The following SYT14 variants were observed in gnomAD, a reference collection of about 807,000 sequenced individuals.
The protein encoded by SYT14 is synaptotagmin-14.
Under a neutral mutation model 74.2 loss-of-function variants are expected in SYT14, and 32 were observed. That is an observed-to-expected ratio of 0.43 (90% confidence interval 0.33 to 0.58). The LOEUF is 0.58. Ranked by LOEUF, SYT14 falls within the 20% of genes least tolerant of loss-of-function variation. The pLI is 0.05. For missense variants in SYT14, 791 were observed against 981.8 expected (o/e 0.81, Z 2.60); for synonymous variants, 298 against 337.7 (o/e 0.88, Z 1.29).
intron 7 of SYT14, among the ~76,000 whole-genome samples, chr1:210,154,395 T>C (rs1011203822): frequency 1.3e-5 from 2 of 152,148 alleles, no homozygotes; most frequent in African/African-American, 4.8e-5. Context: ...GATTACCCTC[T>C]ACATCCTGTC....
chr1:209,989,669 G>A (rs2079630635), intron 2 of SYT14, among the ~76,000 whole-genome samples: 1 of 152,128 alleles, frequency 6.6e-6, no homozygotes, highest in Admixed American at 6.6e-5. Context: ...TTATATTTAC[G>A]TAGAAGTTAA....
chr1:210,113,508 G>C (rs2082303171), intron 7 of SYT14, among the ~76,000 whole-genome samples: 1 of 151,302 alleles, frequency 6.6e-6, no homozygotes, highest in East Asian at 1.9e-4. Context: ...GCTGTAACAG[G>C]CAAGTGATAA....
intron 7 of SYT14, among the ~76,000 whole-genome samples, chr1:210,128,858 A>T (rs2082621437): frequency 1.3e-5 from 2 of 152,228 alleles, no homozygotes; most frequent in African/African-American, 4.8e-5. Flanking sequence ...TTTCCCGAAG[A>T]ACATTGTGGA....
exon 10 of SYT14, chr1:210,162,017 C>T (rs1386169509): frequency 2.2e-6 from 1 of 451,976 alleles, no homozygotes. Context: ...ACCAACACTG[C>T]GTAAAGCAGG....
chr1:210,089,872 G>A (rs1404031605), intron 5 of SYT14, among the ~76,000 whole-genome samples: 28 of 152,198 alleles, frequency 1.8e-4, no homozygotes, highest in Admixed American at 1.8e-3. Context: ...ATAGTGAAAC[G>A]AAAGTACACT....
At chr1:210,155,683 C>T in intron 7 of SYT14, 38 bp from the exon 7 acceptor site, 1 of 1,605,944 alleles carries the variant, frequency 6.2e-7, no homozygotes, top group Non-Finnish European at 8.5e-7. Context: ...ATATATCTCT[C>T]TTGCAAAATA....
intron 7 of SYT14, among the ~76,000 whole-genome samples, chr1:210,125,362 A>G (rs1035243345): frequency 6.6e-6 from 1 of 152,106 alleles, no homozygotes; most frequent in African/African-American, 2.4e-5. Flanking sequence ...CTCCAGCTGC[A>G]TTGGTGTTGC....
intron 2 of SYT14, among the ~76,000 whole-genome samples, chr1:209,972,600 T>C (rs1303307178): frequency 6.6e-6 from 1 of 152,202 alleles, no homozygotes; most frequent in Non-Finnish European, 1.5e-5. Flanking sequence ...AGTTTTATTG[T>C]TTACCCCAAA....
chr1:210,156,896 G>A (rs1399937429), intron 8 of SYT14: 2 of 397,710 alleles, frequency 5.0e-6, no homozygotes, highest in Non-Finnish European at 1.0e-5. Flanking sequence ...TTTTCACCAT[G>A]TTGATCAAGC....
intron 2 of SYT14, among the ~76,000 whole-genome samples, chr1:209,992,504 G>A (rs1448762574): frequency 2.0e-5 from 3 of 152,116 alleles, no homozygotes; most frequent in South Asian, 2.1e-4. Flanking sequence ...CATAGAAAAT[G>A]TAGTAATAGA....
chr1:210,106,593 A>G (rs9659836), intron 7 of SYT14, among the ~76,000 whole-genome samples: 37,874 of 152,070 alleles, frequency 0.25, 5,897 homozygotes, highest in South Asian at 0.37. Flanking sequence ...GAAAAGGGGG[A>G]AAAGCCCCTT....
At chr1:209,989,168 G>A (rs1033064248) in intron 2 of SYT14, among the ~76,000 whole-genome samples, 1 of 152,100 alleles carries the variant, frequency 6.6e-6, no homozygotes, top group Non-Finnish European at 1.5e-5. Context: ...TCAGGTGGTG[G>A]GAGAAATCTG....
intron 2 of SYT14, among the ~76,000 whole-genome samples, chr1:209,961,710 C>T (rs956502436): frequency 5.9e-5 from 9 of 152,062 alleles, no homozygotes; most frequent in Non-Finnish European, 1.3e-4. Flanking sequence ...TAGACTCTTA[C>T]TAGAGATGAA....
chr1:210,051,305 T>C (rs2080990699), intron 5 of SYT14, among the ~76,000 whole-genome samples: 1 of 152,230 alleles, frequency 6.6e-6, no homozygotes, highest in Non-Finnish European at 1.5e-5. Flanking sequence ...AATAAGGTTG[T>C]ACAGTATACT....
At chr1:209,984,511 A>G (rs1270433958) in intron 2 of SYT14, among the ~76,000 whole-genome samples, 1 of 152,146 alleles carries the variant, frequency 6.6e-6, no homozygotes, top group Non-Finnish European at 1.5e-5. Context: ...AAAATTTTTA[A>G]ATAATAAGAT....
At chr1:210,159,003 GAAT>G (rs1023360662) in intron 8 of SYT14, among the ~76,000 whole-genome samples, 1 of 151,834 alleles carries the variant, frequency 6.6e-6, no homozygotes, top group Non-Finnish European at 1.5e-5. Flanking sequence ...TATATATTGG[GAAT>G]AATAAAAGTA....
chr1:210,141,143 T>C (rs1474080576), intron 7 of SYT14, among the ~76,000 whole-genome samples: 2 of 152,108 alleles, frequency 1.3e-5, no homozygotes, highest in Non-Finnish European at 2.9e-5. Flanking sequence ...GTCTTAACAA[T>C]TTAAGTCTTC....
chr1:209,985,995 A>C (rs895530391), intron 2 of SYT14, among the ~76,000 whole-genome samples: 1 of 152,192 alleles, frequency 6.6e-6, no homozygotes, highest in Non-Finnish European at 1.5e-5. Context: ...CTAGGCTTCA[A>C]GACCTTTGGT....
chr1:209,960,410 A>G (rs555144541), intron 2 of SYT14, among the ~76,000 whole-genome samples: 2 of 152,348 alleles, frequency 1.3e-5, no homozygotes, highest in African/African-American at 4.8e-5. Context: ...GAAAATAAAA[A>G]TGACTTTACT....
Sources: allele counts gnomAD v4.1 joint callset (sites outside exome capture counted in the v4.1 genomes callset), GRCh38; gene constraint gnomAD v4.1.1; transcripts MANE v1.5; gene names NCBI Gene and HGNC (gene_info 2026-07-23, HGNC 2026-07-21).